Variants in INO80 observed in about 807,000 individuals in gnomAD.
The protein encoded by INO80 is chromatin-remodeling ATPase INO80.
INO80 carries 20 observed loss-of-function variants against 203.4 expected under a neutral mutation model. The observed-to-expected ratio is 0.10, with a 90% confidence interval of 0.07 to 0.14. INO80 has a LOEUF of 0.14. Ranked by LOEUF, INO80 falls within the 10% of genes least tolerant of loss-of-function variation. The probability of loss-of-function intolerance (pLI) is 1.00; values close to 1 mark genes in which losing one functional copy is unlikely to be tolerated. For synonymous variants in INO80, 726 were observed against 685.2 expected, an observed-to-expected ratio of 1.06 and a Z score of -0.93; for missense variants, 1,419 against 1,914.4, an observed-to-expected ratio of 0.74 and a Z score of 4.83.
At chr15:41,106,381 C>G (rs796681154) in intron 1 of INO80, among the ~76,000 whole-genome samples, 1 of 92,962 alleles carries the variant, frequency 1.1e-5, no homozygotes, top group Non-Finnish European at 2.2e-5. Context: ...CAGACCCTGT[C>G]TCAAAAAAAA....
At chr15:40,991,909 G>C (rs567312228) in intron 29 of INO80, among the ~76,000 whole-genome samples, 1 of 152,210 alleles carries the variant, frequency 6.6e-6, no homozygotes, top group African/African-American at 2.4e-5. Context: ...GAGTAGCTGG[G>C]AGGGACTACA....
intron 28 of INO80, among the ~76,000 whole-genome samples, chr15:40,999,853 G>A (rs1298990896): frequency 6.6e-6 from 1 of 152,176 alleles, no homozygotes; most frequent in Non-Finnish European, 1.5e-5. Context: ...ATCTCTGGAA[G>A]GCTGAGGTGT....
intron 4 of INO80, among the ~76,000 whole-genome samples, chr15:41,095,067 G>A (rs1419341597): frequency 4.6e-5 from 7 of 152,136 alleles, no homozygotes; most frequent in East Asian, 1.9e-4. Context: ...GGCTGGGTGC[G>A]GTGGCTCACG....
chr15:41,059,838 G>C (rs367671006), intron 15 of INO80, 29 bp downstream of exon 15: 3 of 1,442,690 alleles, frequency 2.1e-6, no homozygotes, highest in Non-Finnish European at 2.9e-6. Flanking sequence ...TGTACGGTAC[G>C]TATGTATGCA....
intron 28 of INO80, 80 bp downstream of exon 28, chr15:41,005,513 T>TTA: frequency 1.7e-6 from 1 of 573,958 alleles, no homozygotes; most frequent in Non-Finnish European, 3.0e-6. Context: ...TCCTGGCATT[T>TTA]AAAAAAAAAA....
intron 24 of INO80, among the ~76,000 whole-genome samples, chr15:41,035,726 G>A (rs1211095003): frequency 1.4e-5 from 2 of 144,342 alleles, no homozygotes; most frequent in East Asian, 2.1e-4. Flanking sequence ...GGAGGCTGAC[G>A]CAGGAGAATG....
intron 20 of INO80, 142 bp downstream of exon 20, chr15:41,049,793 G>T: frequency 1.4e-6 from 1 of 729,698 alleles, no homozygotes; most frequent in East Asian, 2.6e-5. Flanking sequence ...GGCTGAGGCA[G>T]GAGAATTGCC....
At chr15:41,003,334 CTT>C (rs71104761) in intron 28 of INO80, among the ~76,000 whole-genome samples, 1 of 126,038 alleles carries the variant, frequency 7.9e-6, no homozygotes, top group African/African-American at 2.8e-5. Flanking sequence ...CTTTTCTTTT[CTT>C]TTTTTTTTTT....
chr15:41,071,258 A>G (rs992572907), intron 12 of INO80, among the ~76,000 whole-genome samples: 2 of 152,144 alleles, frequency 1.3e-5, no homozygotes, highest in Non-Finnish European at 2.9e-5. Context: ...ATTTATTTTT[A>G]ATTATACTTT....
intron 19 of INO80, among the ~76,000 whole-genome samples, chr15:41,050,472 G>T (rs1258919399): frequency 6.6e-6 from 1 of 152,180 alleles, no homozygotes; most frequent in South Asian, 2.1e-4. Flanking sequence ...TGATGTGTCA[G>T]AAAAACAGTT....
intron 5 of INO80, among the ~76,000 whole-genome samples, chr15:41,088,582 C>T (rs1291984627): frequency 1.3e-5 from 2 of 152,178 alleles, no homozygotes; most frequent in Non-Finnish European, 2.9e-5. Context: ...CTCTTTCCAT[C>T]CAGGAAGTGG....
At chr15:41,051,880 T>C (rs11856572) in intron 19 of INO80, among the ~76,000 whole-genome samples, 82,489 of 151,888 alleles carry the variant, frequency 0.54, 24,195 homozygotes, top group African/African-American at 0.78. Context: ...GTCGCTTGAA[T>C]CCGGCAGGCG....
intron 31 of INO80, among the ~76,000 whole-genome samples, chr15:40,985,935 A>G (rs60637101): frequency 0.031 from 4,774 of 152,136 alleles, 235 homozygotes; most frequent in African/African-American, 0.11. Flanking sequence ...GCCTTTCCTC[A>G]TGTTATTCTT....
chr15:41,097,630 A>G (rs1383315128), intron 1 of INO80, among the ~76,000 whole-genome samples: 1 of 149,034 alleles, frequency 6.7e-6, no homozygotes, highest in African/African-American at 2.5e-5. Flanking sequence ...CCACCACCAC[A>G]CCTAGCTAAT....
At position 41,020,967 on chromosome 15, in the gene INO80, G is replaced by C; in HGVS notation, c.3207C>G (p.Phe1069Leu). Reference sequence around the variant, plus strand: ...TCCACAGACCTCCAGCTGGCTCTGGGAAGAACTGTGATCGTCTATTTAGCC... The same window carrying C: ...TCCACAGACCTCCAGCTGGCTCTGGCAAGAACTGTGATCGTCTATTTAGCC... ...ADWLNRRSQF[F>L]PEPAGGLWSI... Residue 1069 changes from phenylalanine (F) to leucine (L), a missense_variant, in exon 26 of 36, where the codon TTC becomes TTG. Physicochemically the swap from Phe to Leu is conservative, Grantham distance 22 (BLOSUM62 0). Coordinates refer to ENST00000648947, the MANE Select transcript of INO80 (RefSeq NM_017553.3). The C allele has an allele frequency of 6.2e-7, 1 of 1,614,134 alleles. No individual in the cohort carries two copies. The highest frequency in any genetic ancestry group is 8.5e-7 in the Non-Finnish European group (1 of 1,180,012).
chr15:40,986,523 C>G (rs1017507338), intron 31 of INO80, among the ~76,000 whole-genome samples: 1 of 152,034 alleles, frequency 6.6e-6, no homozygotes, highest in Non-Finnish European at 1.5e-5. Flanking sequence ...CGGGGCTTCA[C>G]CAGGTTGGCC....
chr15:41,103,528 T>C (rs922202110), intron 1 of INO80, among the ~76,000 whole-genome samples: 1 of 152,144 alleles, frequency 6.6e-6, no homozygotes, highest in Non-Finnish European at 1.5e-5. Flanking sequence ...TAGCTGGGAT[T>C]AGAGGCGCCC....
chr15:41,046,937 ATT>A (rs112368024), intron 23 of INO80, among the ~76,000 whole-genome samples: 1 of 139,434 alleles, frequency 7.2e-6, no homozygotes, highest in Admixed American at 7.2e-5. Context: ...AAACTGTACT[ATT>A]TTTTTTTTTT....
In INO80 at chr15:41,049,975, GTGT is replaced by G. The variant is rs770801718; in HGVS notation, c.2399_2401del (p.Asn800del). ...GACCAGATTCATGAGGCTGCTGGTG[GTGT>G]TCTGTGCTTGTTGGGTAGAGCCCAT... On this transcript the variant is annotated inframe_deletion, in exon 20 of 36. Coordinates refer to ENST00000648947, the MANE Select transcript of INO80 (RefSeq NM_017553.3). 5 of 1,613,948 alleles carry G rather than the reference GTGT, an allele frequency of 3.1e-6. No individual in the cohort carries two copies. In the South Asian group the frequency reaches 4.4e-5, roughly 14 times the overall value.
Sources: gnomAD v4.1 joint callset for allele counts (sites outside exome capture counted in the v4.1 genomes callset) on GRCh38, gnomAD v4.1.1 for gene constraint, MANE v1.5 for transcripts, NCBI Gene and HGNC (gene_info 2026-07-23, HGNC 2026-07-21) for gene names.